TSHZ3: variants seen among roughly 807,000 people sequenced by gnomAD.
TSHZ3 encodes teashirt zinc finger homeobox 3, also known as teashirt homolog 3.
In TSHZ3, 10 loss-of-function variants were observed where a neutral mutation model predicts 64.5. The observed-to-expected ratio is 0.16, with a 90% CI of 0.10 to 0.26. The LOEUF is 0.26. Among genes scored for constraint, TSHZ3 ranks in the 10% least tolerant of loss-of-function variants. The pLI is 1.00. For synonymous variants in TSHZ3, 608 were observed against 593.1 expected, an observed-to-expected ratio of 1.03 and a Z score of -0.36; for missense variants, 1,242 against 1,421.7, an observed-to-expected ratio of 0.87 and a Z score of 2.03.
In TSHZ3 at chr19:31,276,920, C is replaced by T. The variant is rs1004928160; in HGVS notation, c.2873G>A (p.Arg958Gln). 4 of 1,614,176 alleles carry T rather than the reference C, an allele frequency of 2.5e-6. No homozygotes were observed. The highest frequency in any genetic ancestry group is 3.4e-6 in the Non-Finnish European group (4 of 1,180,030). The change falls in exon 2 of 2, where the codon CGA becomes CAA. Residue 958 changes from arginine (R) to glutamine (Q), a missense_variant. Around this residue, in one of 4 missense-constraint regions of TSHZ3, gnomAD observed 11 missense variants for 31.9 expected, o/e 0.34. Coordinates refer to ENST00000240587, the MANE Select transcript of TSHZ3 (RefSeq NM_020856.4). ...HWLANVKYQL[R>Q]RTGGTKFLKN... ...GAGGAACTTTGTTCCACCTGTCCTT[C>T]GAAGCTGGTATTTCACGTTGGCCAG...
chr19:31,239,154 A>C (rs1366479445), intron 3 of TSHZ3, among the ~76,000 whole-genome samples: 2 of 152,152 alleles, frequency 1.3e-5, no homozygotes, highest in African/African-American at 4.8e-5. Flanking sequence ...CCTGTTTTAC[A>C]ATAAATATTT....
At chr19:31,328,814 TAAAG>T (rs1275317188) in intron 1 of TSHZ3, among the ~76,000 whole-genome samples, 2 of 152,202 alleles carry the variant, frequency 1.3e-5, no homozygotes, top group African/African-American at 4.8e-5. Flanking sequence ...AATTTAAGAT[TAAAG>T]AATTATCTGG....
rs964990978 is a variant in TSHZ3, at chr19:31,275,831, T to C, written c.*716A>G. 19 of 152,682 alleles carry C rather than the reference T, an allele frequency of 1.2e-4. No homozygotes were observed. The highest frequency in any genetic ancestry group is 3.6e-4 in the African/African-American group (15 of 41,566). 9.5% of individuals were successfully genotyped at this position (152,682 alleles called of 1,614,324 possible). A position where few individuals can be genotyped will look rare whatever the true frequency, so the allele number is the denominator to read the frequency against. On this transcript the variant is annotated 3_prime_UTR_variant, in exon 2 of 2. Coordinates refer to ENST00000240587, the MANE Select transcript of TSHZ3 (RefSeq NM_020856.4). ...AAAAGAAAAAAAGAAATATACACTATACATAGGCACAGCTTATGCCCAGAG... is the reference window on the plus strand; with the variant it reads ...AAAAGAAAAAAAGAAATATACACTACACATAGGCACAGCTTATGCCCAGAG...
chr19:31,154,611 G>T (rs1974280370), intron 6 of TSHZ3, among the ~76,000 whole-genome samples: 1 of 152,168 alleles, frequency 6.6e-6, no homozygotes, highest in Non-Finnish European at 1.5e-5. Context: ...AAAGCAAGAG[G>T]GGTTCATGTT....
intron 3 of TSHZ3, among the ~76,000 whole-genome samples, chr19:31,238,490 G>C (rs1975648738): frequency 1.3e-5 from 2 of 151,958 alleles, no homozygotes; most frequent in African/African-American, 2.4e-5. Context: ...TCCTGACCTC[G>C]AGTGATCTGC....
At chr19:31,260,353 G>A (rs4805660) in intron 1 of TSHZ3, among the ~76,000 whole-genome samples, 49,143 of 152,050 alleles carry the variant, frequency 0.32, 11,397 homozygotes, top group African/African-American at 0.65. Flanking sequence ...CCAGTCCGGT[G>A]ATACTACATA....
At chr19:31,308,059 G>C (rs892865435) in intron 1 of TSHZ3, among the ~76,000 whole-genome samples, 1 of 152,204 alleles carries the variant, frequency 6.6e-6, no homozygotes, top group Non-Finnish European at 1.5e-5. Flanking sequence ...TCACGCAACT[G>C]TTTAGCTTTC....
rs1312384526 is a variant in TSHZ3 at position 31,278,055 on chromosome 19, T to C, written c.1738A>G (p.Ser580Gly). Residue 580 changes from serine (S) to glycine (G), a missense_variant, in exon 2 of 2, where the codon AGT (serine) becomes GGT (glycine). Transcript: ENST00000240587. The surrounding 1 kb of genome is among the most constrained non-coding windows in gnomAD (Gnocchi z 4.7). ...STPLKPMFGN[S>G]EIVSPTKNQT... ...TTTTTCGTCGGGGAGACAATCTCAC[T>C]GTTGCCAAACATGGGTTTCAGGGGC... 6.2e-7 allele frequency: 1 copy of C among 1,613,608 alleles called. No homozygotes were observed. Among genetic ancestry groups the C allele is most frequent in the Non-Finnish European group, 8.5e-7 (1 of 1,179,634 alleles).
chr19:31,206,340 AATGGGTGG>A (rs2145155350), intron 4 of TSHZ3, among the ~76,000 whole-genome samples: 1 of 151,574 alleles, frequency 6.6e-6, no homozygotes, highest in East Asian at 2.0e-4. Context: ...TGGATGAGAG[AATGGGTGG>A]ATGGGTGTAT....
chr19:31,238,351 G>A (rs1427502269), intron 3 of TSHZ3, among the ~76,000 whole-genome samples: 2 of 151,478 alleles, frequency 1.3e-5, no homozygotes, highest in African/African-American at 2.4e-5. Flanking sequence ...CACCTCCCAG[G>A]TTCAAGCGAT....
chr19:31,165,215 T>G (rs1974431491), intron 5 of TSHZ3, among the ~76,000 whole-genome samples: 1 of 152,206 alleles, frequency 6.6e-6, no homozygotes, highest in African/African-American at 2.4e-5. Context: ...CAGCTACCGC[T>G]GTGAACCCAT....
At chr19:31,317,302 T>C (rs1441004353) in intron 1 of TSHZ3, among the ~76,000 whole-genome samples, 2 of 152,210 alleles carry the variant, frequency 1.3e-5, no homozygotes, top group African/African-American at 4.8e-5. Flanking sequence ...TGGGCAGCTG[T>C]TCCAGCCGAG....
intron 1 of TSHZ3, among the ~76,000 whole-genome samples, chr19:31,259,023 G>A (rs1051472574): frequency 6.6e-6 from 1 of 152,162 alleles, no homozygotes; most frequent in African/African-American, 2.4e-5. Context: ...GTAAAGTCAC[G>A]GCAGTATTCA....
At chr19:31,218,260 A>G (rs994398085) in intron 4 of TSHZ3, among the ~76,000 whole-genome samples, 1 of 141,696 alleles carries the variant, frequency 7.1e-6, no homozygotes, top group Non-Finnish European at 1.5e-5. Flanking sequence ...ACACCTTACC[A>G]AAGAAGACAG....
chr19:31,256,671 A>G (rs1013080861), intron 1 of TSHZ3, among the ~76,000 whole-genome samples: 3 of 152,140 alleles, frequency 2.0e-5, no homozygotes, highest in Non-Finnish European at 1.5e-5. Context: ...GAAGTTTTGC[A>G]ATATGGGAAC....
intron 3 of TSHZ3, among the ~76,000 whole-genome samples, chr19:31,232,458 G>A (rs1198161188): frequency 6.6e-6 from 1 of 152,146 alleles, no homozygotes; most frequent in Non-Finnish European, 1.5e-5. Flanking sequence ...GGTTAAGTAG[G>A]ATTACTTGCC....
intron 1 of TSHZ3, among the ~76,000 whole-genome samples, chr19:31,333,386 C>G (rs1917152127): frequency 6.6e-6 from 1 of 152,082 alleles, no homozygotes; most frequent in South Asian, 2.1e-4. Context: ...AGCTCTTGTG[C>G]CTACACTCTC....
At chr19:31,346,763 A>G (rs978637940) in intron 1 of TSHZ3, among the ~76,000 whole-genome samples, 2 of 151,846 alleles carry the variant, frequency 1.3e-5, no homozygotes, top group African/African-American at 4.8e-5. Flanking sequence ...AAAAATGGGA[A>G]GTTTCTGGTC....
chr19:31,274,164 G>A (rs993922835), downstream of TSHZ3, among the ~76,000 whole-genome samples: 3 of 151,668 alleles, frequency 2.0e-5, no homozygotes, highest in Admixed American at 1.3e-4. Flanking sequence ...GGTGTTTTAT[G>A]TATTACATGG....
Sources: gnomAD v4.1 joint callset for allele counts (sites outside exome capture counted in the v4.1 genomes callset) on GRCh38, gnomAD v4.1.1 for gene constraint, gnomAD v4.1.1 regional missense constraint, Gnocchi (gnomAD v3.1) non-coding constraint, MANE v1.5 for transcripts, NCBI Gene and HGNC (gene_info 2026-07-23, HGNC 2026-07-21) for gene names.